Variants in SH3GL2 observed in about 807,000 individuals in gnomAD.
SH3GL2 encodes the protein SH3 domain containing GRB2 like 2, endophilin A1.
SH3GL2 carries 24 observed loss-of-function variants against 46.0 expected under a neutral mutation model. The ratio of observed to expected loss-of-function variants is 0.52; its 90% CI spans 0.38 to 0.73. The LOEUF is 0.73. Ranked by LOEUF, SH3GL2 falls within the 30% of genes least tolerant of loss-of-function variation. The probability of loss-of-function intolerance (pLI) is 0.00; values close to 1 mark genes in which losing one functional copy is unlikely to be tolerated. For missense variants in SH3GL2, 413 were observed against 424.2 expected (o/e 0.97, Z 0.23); for synonymous variants, 196 against 147.1 (o/e 1.33, Z -2.40).
chr9:17,719,667 C>T (rs1266286841), intron 1 of SH3GL2, among the ~76,000 whole-genome samples: 1 of 151,880 alleles, frequency 6.6e-6, no homozygotes, highest in Non-Finnish European at 1.5e-5. Context: ...GTGGCATGCA[C>T]CTGTGGTCCT....
intron 1 of SH3GL2, among the ~76,000 whole-genome samples, chr9:17,720,309 C>G (rs1452086908): frequency 6.6e-6 from 1 of 152,016 alleles, no homozygotes; most frequent in African/African-American, 2.4e-5. Context: ...AAAAGAAAAA[C>G]CTTAGGCAAA....
chr9:17,745,202 T>G (rs1273859668), intron 1 of SH3GL2, among the ~76,000 whole-genome samples: 1 of 152,214 alleles, frequency 6.6e-6, no homozygotes, highest in Admixed American at 6.5e-5. Flanking sequence ...TATGTGTCAG[T>G]GATACAAATT....
chr9:17,656,754 G>C (rs1355429025), intron 1 of SH3GL2, among the ~76,000 whole-genome samples: 1 of 131,276 alleles, frequency 7.6e-6, no homozygotes, highest in Non-Finnish European at 1.6e-5. Flanking sequence ...CTGGGCGACA[G>C]AGTGAGACTA....
chr9:17,628,665 A>T (rs927885817), intron 1 of SH3GL2, among the ~76,000 whole-genome samples: 11 of 151,282 alleles, frequency 7.3e-5, no homozygotes, highest in Non-Finnish European at 1.3e-4. Flanking sequence ...TTATTTATTC[A>T]TTTTTTTTAA....
At chr9:17,707,030 C>G (rs577775712) in intron 1 of SH3GL2, among the ~76,000 whole-genome samples, 1 of 152,120 alleles carries the variant, frequency 6.6e-6, no homozygotes, top group Admixed American at 6.6e-5. Context: ...CACTGCTAAC[C>G]AGTGGTCAGC....
chr9:17,600,787 A>C (rs972958302), intron 1 of SH3GL2, among the ~76,000 whole-genome samples: 2 of 152,216 alleles, frequency 1.3e-5, no homozygotes, highest in African/African-American at 4.8e-5. Flanking sequence ...GGTATTTTTA[A>C]AAACTCTTTA....
Position 17,603,515 on chromosome 9 carries a change from T to C in SH3GL2, c.45+24228T>C, listed in dbSNP as rs537026711. Among the ~76,000 whole-genome samples the C allele has an allele frequency of 2.0e-5, 3 of 152,036 alleles. No homozygotes were observed. In the East Asian group the frequency reaches 5.8e-4, roughly 29 times the overall value. ...TGTGTAACGGGTACAGAGTTTCAGA[T>C]GGGAGAGATGGAAAGAGTTCTAGAG... is the stretch of plus-strand genomic sequence containing the variant. On this transcript the variant is annotated intron_variant, in intron 1 of 8. Coordinates refer to ENST00000380607, the MANE Select transcript of SH3GL2 (RefSeq NM_003026.5).
chr9:17,580,608 A>G (rs1323862232), intron 1 of SH3GL2, among the ~76,000 whole-genome samples: 1 of 152,176 alleles, frequency 6.6e-6, no homozygotes, highest in Non-Finnish European at 1.5e-5. Flanking sequence ...TTTCTATTAT[A>G]ATTGGAGTTA....
intron 1 of SH3GL2, among the ~76,000 whole-genome samples, chr9:17,639,906 T>A (rs1476139288): frequency 6.6e-6 from 1 of 152,168 alleles, no homozygotes; most frequent in Non-Finnish European, 1.5e-5. Flanking sequence ...TCAATTTCAT[T>A]ATATGAAAAT....
At chr9:17,794,028 A>C (rs12380227) in intron 8 of SH3GL2, among the ~76,000 whole-genome samples, 37,342 of 152,236 alleles carry the variant, frequency 0.25, 4,884 homozygotes, top group Middle Eastern at 0.32. Flanking sequence ...TTGAAACTCG[A>C]CACTTGCTGG....
intron 1 of SH3GL2, among the ~76,000 whole-genome samples, chr9:17,699,463 C>T (rs1014745527): frequency 6.6e-6 from 1 of 152,136 alleles, no homozygotes; most frequent in Non-Finnish European, 1.5e-5. Flanking sequence ...GTTTGTCAGC[C>T]CCCTAACCCC....
At chr9:17,789,744 T>C in intron 6 of SH3GL2, 194 bp downstream of exon 6, 1 of 1,357,756 alleles carries the variant, frequency 7.4e-7, no homozygotes, top group South Asian at 1.7e-5. Context: ...TCTGCATTCC[T>C]GTAGTTTAAC....
chr9:17,602,388 G>A (rs901494902), intron 1 of SH3GL2, among the ~76,000 whole-genome samples: 1 of 152,132 alleles, frequency 6.6e-6, no homozygotes, highest in African/African-American at 2.4e-5. Context: ...TGTTTTCTGA[G>A]CTCTTCTGTT....
chr9:17,598,080 C>T (rs117272524), intron 1 of SH3GL2, among the ~76,000 whole-genome samples: 3 of 152,276 alleles, frequency 2.0e-5, no homozygotes, highest in East Asian at 1.9e-4. Context: ...GGCACTCTCA[C>T]GTGGAGGTCA....
At chr9:17,672,396 A>G (rs933916761) in intron 1 of SH3GL2, among the ~76,000 whole-genome samples, 1 of 152,172 alleles carries the variant, frequency 6.6e-6, no homozygotes, top group East Asian at 1.9e-4. Flanking sequence ...CTGAATTCCA[A>G]GGTCCTTGAC....
chr9:17,678,949 T>A (rs1416477966), intron 1 of SH3GL2, among the ~76,000 whole-genome samples: 1 of 152,112 alleles, frequency 6.6e-6, no homozygotes, highest in African/African-American at 2.4e-5. Flanking sequence ...TGTAGATGTG[T>A]GATATTATTT....
chr9:17,612,142 A>T (rs1293954685), intron 1 of SH3GL2, among the ~76,000 whole-genome samples: 1 of 152,064 alleles, frequency 6.6e-6, no homozygotes, highest in East Asian at 1.9e-4. Context: ...CCGGCTCTTC[A>T]AGGGTGGCAT....
At chr9:17,632,410 T>C (rs924521665) in intron 1 of SH3GL2, among the ~76,000 whole-genome samples, 3 of 152,324 alleles carry the variant, frequency 2.0e-5, no homozygotes, top group Non-Finnish European at 4.4e-5. Context: ...ATTTTTATTA[T>C]GTATCTAATC....
chr9:17,740,482 T>C (rs938773192), intron 1 of SH3GL2, among the ~76,000 whole-genome samples: 4 of 152,104 alleles, frequency 2.6e-5, no homozygotes, highest in African/African-American at 9.7e-5. Flanking sequence ...TATTGTATTG[T>C]ATTGTATTGT....
Sources: allele counts gnomAD v4.1 joint callset (sites outside exome capture counted in the v4.1 genomes callset), GRCh38; gene constraint gnomAD v4.1.1; transcripts MANE v1.5; gene names NCBI Gene and HGNC (gene_info 2026-07-23, HGNC 2026-07-21).